OPCML: variants seen among roughly 807,000 people sequenced by gnomAD.
OPCML encodes the protein opioid-binding protein/cell adhesion molecule.
Under a neutral mutation model 37.8 loss-of-function variants are expected in OPCML, and 13 were observed. The ratio of observed to expected loss-of-function variants is 0.34; its 90% CI spans 0.22 to 0.55. The LOEUF is 0.55. Ranked by LOEUF, OPCML falls within the 20% of genes least tolerant of loss-of-function variation. The pLI, the probability that OPCML is intolerant of heterozygous loss-of-function variation, is 0.91. For synonymous variants in OPCML, 176 were observed against 168.8 expected, an observed-to-expected ratio of 1.04 and a Z score of -0.33; for missense variants, 341 against 435.6, an observed-to-expected ratio of 0.78 and a Z score of 1.93.
chr11:132,654,740 G>A (rs115781135), intron 3 of OPCML, among the ~76,000 whole-genome samples: 2,415 of 150,654 alleles, frequency 0.016, 58 homozygotes, highest in African/African-American at 0.056. Flanking sequence ...CCCAAGAGAC[G>A]CTCCTCCCCA....
At chr11:133,197,687 A>G (rs1455010877) in intron 1 of OPCML, among the ~76,000 whole-genome samples, 1 of 152,240 alleles carries the variant, frequency 6.6e-6, no homozygotes, top group Non-Finnish European at 1.5e-5. Context: ...GTCAATAGCT[A>G]CATTGATGCA....
chr11:133,013,653 T>C (rs568008641), intron 1 of OPCML, among the ~76,000 whole-genome samples: 1 of 152,212 alleles, frequency 6.6e-6, no homozygotes, highest in African/African-American at 2.4e-5. Flanking sequence ...TACCGCCTCA[T>C]AACGCCACAC....
intron 1 of OPCML, among the ~76,000 whole-genome samples, chr11:133,240,233 A>AC (rs1565523830): frequency 6.6e-6 from 1 of 151,604 alleles, no homozygotes; most frequent in African/African-American, 2.4e-5. Context: ...AAAAAAAAAA[A>AC]AACAGAGGGG....
chr11:133,070,811 G>A (rs543694707), intron 1 of OPCML, among the ~76,000 whole-genome samples: 1 of 152,198 alleles, frequency 6.6e-6, no homozygotes, highest in African/African-American at 2.4e-5. Context: ...AGGAGCAGGG[G>A]CTGGGGGTCA....
chr11:132,964,871 A>C (rs2136734901), intron 1 of OPCML, among the ~76,000 whole-genome samples: 1 of 152,312 alleles, frequency 6.6e-6, no homozygotes, highest in African/African-American at 2.4e-5. Flanking sequence ...TGAGGCTCAG[A>C]AAGTTTATGT....
At chr11:133,130,727 C>T (rs1038053374) in intron 1 of OPCML, among the ~76,000 whole-genome samples, 30 of 152,048 alleles carry the variant, frequency 2.0e-4, no homozygotes, top group African/African-American at 5.3e-4. Context: ...GTGTTATTAG[C>T]GAAGGAACAG....
intron 2 of OPCML, among the ~76,000 whole-genome samples, chr11:132,880,292 T>A (rs1387831398): frequency 6.6e-6 from 1 of 152,184 alleles, no homozygotes; most frequent in Non-Finnish European, 1.5e-5. Flanking sequence ...CCACCACGGC[T>A]CTCTTGACCA....
At chr11:133,488,585 T>C (rs1272744456) in intron 1 of OPCML, among the ~76,000 whole-genome samples, 2 of 152,042 alleles carry the variant, frequency 1.3e-5, no homozygotes, top group Admixed American at 6.6e-5. Flanking sequence ...ATGGAATAAA[T>C]CATAGATGAC....
At position 133,458,497 on chromosome 11, in the gene OPCML, T is replaced by TGTGTGTATATACACATATATACAC. The variant is rs1491047020; in HGVS notation, c.61+73766_61+73767insGTGTATATATGTGTATATACACAC. ...GTGTGTATATACACATATATACACG[T>TGTGTGTATATACACATATATACAC]GTGTGTGTATATACACATATATACA... On this transcript the variant is annotated intron_variant, in intron 1 of 7. Transcript: ENST00000524381. Among the ~76,000 whole-genome samples, 11 of 94,494 alleles carry TGTGTGTATATACACATATATACAC rather than the reference T, an allele frequency of 1.2e-4. 1 individual carries two copies. Among genetic ancestry groups the TGTGTGTATATACACATATATACAC allele is most frequent in the Non-Finnish European group, 1.7e-4 (9 of 52,198 alleles). The allele number at this position is 94,494 out of a possible 152,430, so 62.0% of individuals were successfully genotyped here.
chr11:132,553,388 T>C (rs2096386904), intron 3 of OPCML, among the ~76,000 whole-genome samples: 1 of 152,064 alleles, frequency 6.6e-6, no homozygotes, highest in Non-Finnish European at 1.5e-5. Context: ...CCTAAGTCGG[T>C]GTGTACAAAA....
intron 3 of OPCML, among the ~76,000 whole-genome samples, chr11:132,597,260 C>T (rs1250841424): frequency 2.6e-5 from 4 of 152,138 alleles, no homozygotes; most frequent in Non-Finnish European, 5.9e-5. Flanking sequence ...TCACAATATG[C>T]TATGTGCAAA....
chr11:132,586,131 G>A (rs60853642), intron 3 of OPCML, among the ~76,000 whole-genome samples: 110,721 of 152,006 alleles, frequency 0.73, 40,805 homozygotes, highest in East Asian at 0.87. Flanking sequence ...AATAGGATGG[G>A]CACTGCACCC....
At position 133,193,093 on chromosome 11, in the gene OPCML, G is replaced by A. The variant is rs577734503; in HGVS notation, c.62-250083C>T. Among the ~76,000 whole-genome samples the A allele has an allele frequency of 4.6e-5, 7 of 152,212 alleles. No homozygotes were observed. The East Asian group carries it at 5.8e-4, about 13-fold the overall frequency. Reference sequence around the variant, plus strand: ...AGAATTGAGTGCTTTTGTTGATAGTGGTCCTTCTGGTGGTGGCAAGATCAA... The same window carrying A: ...AGAATTGAGTGCTTTTGTTGATAGTAGTCCTTCTGGTGGTGGCAAGATCAA... On this transcript the variant is annotated intron_variant, in intron 1 of 7. Coordinates refer to ENST00000524381, the MANE Select transcript of OPCML (RefSeq NM_001012393.5).
At chr11:133,529,638 G>T (rs1374530428) in intron 1 of OPCML, among the ~76,000 whole-genome samples, 1 of 152,196 alleles carries the variant, frequency 6.6e-6, no homozygotes, top group Non-Finnish European at 1.5e-5. Flanking sequence ...CCAAGAAATA[G>T]AAGCTGCAGA....
intron 2 of OPCML, among the ~76,000 whole-genome samples, chr11:132,695,169 G>A (rs531971515): frequency 3.5e-4 from 53 of 151,696 alleles, no homozygotes; most frequent in South Asian, 1.0e-3. Context: ...ATGTGGTAAA[G>A]GTTATGAAAA....
Position 133,118,193 on chromosome 11 carries a change from T to C in OPCML, c.62-175183A>G, listed in dbSNP as rs546482734. ...AGTGGTAGTGCAGTGCCTGTTTCCATGTGTAGGAGGCCCTGTTCTTTCTGG... is the reference window on the plus strand; with the variant it reads ...AGTGGTAGTGCAGTGCCTGTTTCCACGTGTAGGAGGCCCTGTTCTTTCTGG... On this transcript the variant is annotated intron_variant, in intron 1 of 7. Transcript: ENST00000524381. The C allele has an allele frequency of 2.3e-5, 22 of 974,716 alleles. No homozygotes were observed. In the East Asian group the frequency reaches 3.4e-4, roughly 15 times the overall value. The allele number at this position is 974,716 out of a possible 1,614,324, so 60.4% of individuals were successfully genotyped here. A position where few individuals can be genotyped will look rare whatever the true frequency, so the allele number is the denominator to read the frequency against.
intron 2 of OPCML, among the ~76,000 whole-genome samples, chr11:132,673,205 G>A (rs116554295): frequency 0.028 from 4,213 of 152,192 alleles, 172 homozygotes; most frequent in African/African-American, 0.085. Flanking sequence ...GTTAATGTCC[G>A]CTCATGACTT....
chr11:133,348,160 G>A (rs981554489), intron 1 of OPCML, among the ~76,000 whole-genome samples: 2 of 152,190 alleles, frequency 1.3e-5, no homozygotes, highest in African/African-American at 4.8e-5. Flanking sequence ...TAAAGTCTCT[G>A]TTATGAAATG....
rs7122203 is a variant in OPCML at position 132,431,982 on chromosome 11, C to T, written c.916+4104G>A. On this transcript the variant is annotated intron_variant, in intron 7 of 7. Coordinates refer to ENST00000524381, the MANE Select transcript of OPCML (RefSeq NM_001012393.5). The stretch of plus-strand genomic sequence containing the variant: ...GAGAATTTGATGTGGGAGATGGGTC[C>T]AAGAAGACTAATTGCTGATATGAGG... Among the ~76,000 whole-genome samples the T allele has an allele frequency of 5.0e-3, 759 of 152,198 alleles. 7 individuals carry two copies. Among genetic ancestry groups the T allele is most frequent in the African/African-American group, 0.017 (717 of 41,528 alleles).
Sources: gnomAD v4.1 joint callset for allele counts (sites outside exome capture counted in the v4.1 genomes callset) on GRCh38, gnomAD v4.1.1 for gene constraint, MANE v1.5 for transcripts, NCBI Gene and HGNC (gene_info 2026-07-23, HGNC 2026-07-21) for gene names.